IL1RAP: variants seen among roughly 807,000 people sequenced by gnomAD.
IL1RAP encodes interleukin-1 receptor accessory protein.
IL1RAP carries 35 observed loss-of-function variants against 60.7 expected under a neutral mutation model. The ratio of observed to expected loss-of-function variants is 0.58; its 90% CI spans 0.44 to 0.76. The LOEUF (loss-of-function observed/expected upper bound fraction) is 0.76, where lower values mean the gene tolerates loss of function less well. Among genes scored for constraint, IL1RAP ranks in the 30% least tolerant of loss-of-function variants. The pLI is 0.00. For missense variants in IL1RAP, 572 were observed against 693.9 expected (o/e 0.82, Z 1.97); for synonymous variants, 268 against 250.9 (o/e 1.07, Z -0.64).
chr3:190,610,498 G>A (rs1730728951), intron 5 of IL1RAP, among the ~76,000 whole-genome samples: 1 of 151,536 alleles, frequency 6.6e-6, no homozygotes. Context: ...GAAGGTGAAA[G>A]GGAGAAAAAA....
chr3:190,648,230 T>G, intron 11 of IL1RAP, 108 bp from the exon 12 acceptor site: 1 of 1,407,842 alleles, frequency 7.1e-7, no homozygotes, highest in Non-Finnish European at 9.6e-7. Context: ...ATGTTTCACC[T>G]CAATTCTTAG....
At chr3:190,515,355 T>A (rs928245613) in intron 1 of IL1RAP, among the ~76,000 whole-genome samples, 3 of 152,078 alleles carry the variant, frequency 2.0e-5, no homozygotes, top group Non-Finnish European at 4.4e-5. Context: ...TGGCCTGGCA[T>A]CTGGTTGGTT....
intron 3 of IL1RAP, among the ~76,000 whole-genome samples, chr3:190,573,249 A>G (rs1021334053): frequency 3.9e-5 from 6 of 152,216 alleles, no homozygotes; most frequent in Non-Finnish European, 8.8e-5. Flanking sequence ...TGAAGGAAGA[A>G]GAGATGGCGG....
chr3:190,654,209 CA>C (rs1734528902), downstream of IL1RAP, among the ~76,000 whole-genome samples: 1 of 151,084 alleles, frequency 6.6e-6, no homozygotes, highest in African/African-American at 2.5e-5. Context: ...CACACACACA[CA>C]CACACACACA....
intron 1 of IL1RAP, among the ~76,000 whole-genome samples, chr3:190,541,839 G>A (rs1723960158): frequency 6.6e-6 from 1 of 152,044 alleles, no homozygotes; most frequent in African/African-American, 2.4e-5. Flanking sequence ...TATTCGAAAT[G>A]CCCATGAAAT....
chr3:190,629,232 A>G, intron 8 of IL1RAP, 118 bp from the exon 9 acceptor site: 3 of 661,418 alleles, frequency 4.5e-6, no homozygotes, highest in African/African-American at 1.8e-5. Context: ...CAGCTTATCA[A>G]CCTTCCTCGC....
At chr3:190,581,440 G>A (rs1427722778) in intron 3 of IL1RAP, among the ~76,000 whole-genome samples, 1 of 152,200 alleles carries the variant, frequency 6.6e-6, no homozygotes, top group Non-Finnish European at 1.5e-5. Context: ...TTGGTGCTCT[G>A]TATTATGAGA....
intron 4 of IL1RAP, among the ~76,000 whole-genome samples, chr3:190,605,063 G>A (rs1577707825): frequency 6.6e-6 from 1 of 152,070 alleles, no homozygotes. Flanking sequence ...TTCCTCCTTA[G>A]AATTTTGTCT....
At chr3:190,558,436 A>G (rs943679477) in intron 2 of IL1RAP, among the ~76,000 whole-genome samples, 4 of 152,176 alleles carry the variant, frequency 2.6e-5, no homozygotes, top group African/African-American at 9.6e-5. Flanking sequence ...CATCCTCTTC[A>G]TCACTTGGTA....
chr3:190,550,837 T>C (rs919185641), intron 1 of IL1RAP, among the ~76,000 whole-genome samples: 1 of 152,242 alleles, frequency 6.6e-6, no homozygotes, highest in African/African-American at 2.4e-5. Flanking sequence ...TTTTCAAGCA[T>C]AGTTTCTCTC....
At position 190,627,432 on chromosome 3, in the gene IL1RAP, T is replaced by C; in HGVS notation, c.885T>C (p.Asp295=). ...AAAAACCTGATGACATCACTATTGA[T>C]GTCACCATTAACGAAAGGTATCATG... ...DGKKPDDITI[D]VTINESISHS... Residue 295 remains aspartate (D), a synonymous_variant, in exon 8 of 12, where the codon GAT becomes GAC. Coordinates refer to ENST00000447382, the MANE Select transcript of IL1RAP (RefSeq NM_002182.4). 6.2e-7 allele frequency: 1 copy of C among 1,611,588 alleles called. No homozygotes were observed. The highest frequency in any genetic ancestry group is 8.5e-7 in the Non-Finnish European group (1 of 1,179,190).
At chr3:190,542,879 ATTTTT>A (rs66937098) in intron 1 of IL1RAP, among the ~76,000 whole-genome samples, 2 of 104,804 alleles carry the variant, frequency 1.9e-5, no homozygotes, top group Admixed American at 1.0e-4. Flanking sequence ...GATTAAGGGA[ATTTTT>A]TTTTTTTTTT....
At chr3:190,620,250 C>CTTT (rs11368884) in intron 5 of IL1RAP, 25 bp from the exon 6 acceptor site, 1,967 of 1,019,514 alleles carry the variant, frequency 1.9e-3, no homozygotes, top group Non-Finnish European at 2.4e-3. Context: ...AAAAAGTAAA[C>CTTT]TTTTTTTTTT....
chr3:190,531,028 C>T (rs991182982), intron 1 of IL1RAP, among the ~76,000 whole-genome samples: 7 of 152,308 alleles, frequency 4.6e-5, no homozygotes, highest in Middle Eastern at 3.4e-3. Flanking sequence ...CTTTCCATTT[C>T]GCTCTATGCA....
chr3:190,536,621 TA>T (rs1237532782), intron 1 of IL1RAP, among the ~76,000 whole-genome samples: 3 of 152,182 alleles, frequency 2.0e-5, no homozygotes, highest in African/African-American at 7.2e-5. Flanking sequence ...ATGCCATCCA[TA>T]GGGACATGGT....
chr3:190,640,226 A>T (rs1313391122), intron 9 of IL1RAP, among the ~76,000 whole-genome samples: 1 of 152,180 alleles, frequency 6.6e-6, no homozygotes, highest in African/African-American at 2.4e-5. Context: ...TTTAATCGAA[A>T]AGCCAGAGTG....
chr3:190,557,451 A>C (rs1725521424), intron 2 of IL1RAP, among the ~76,000 whole-genome samples: 1 of 152,210 alleles, frequency 6.6e-6, no homozygotes, highest in South Asian at 2.1e-4. Context: ...AGTGCTGAGC[A>C]CTTTGAAGCT....
intron 3 of IL1RAP, among the ~76,000 whole-genome samples, chr3:190,572,662 T>C (rs1577626081): frequency 6.6e-6 from 1 of 152,190 alleles, no homozygotes; most frequent in East Asian, 1.9e-4. Flanking sequence ...GAGCTTTGCA[T>C]TGAATGGTTT....
intron 3 of IL1RAP, among the ~76,000 whole-genome samples, chr3:190,579,297 G>A (rs1351132818): frequency 6.6e-6 from 1 of 152,174 alleles, no homozygotes; most frequent in African/African-American, 2.4e-5. Context: ...GCTAGATACA[G>A]TTCACATTAT....
Sources: allele counts gnomAD v4.1 joint callset (sites outside exome capture counted in the v4.1 genomes callset), GRCh38; gene constraint gnomAD v4.1.1; transcripts MANE v1.5; gene names NCBI Gene and HGNC (gene_info 2026-07-23, HGNC 2026-07-21).